The following RPH3A variants were observed in gnomAD, a reference collection of about 807,000 sequenced individuals.
RPH3A encodes the protein rabphilin 3A.
RPH3A carries 48 observed loss-of-function variants against 102.2 expected under a neutral mutation model. That is an observed-to-expected ratio of 0.47 (90% CI 0.37 to 0.60). The LOEUF (loss-of-function observed/expected upper bound fraction) is 0.60, where lower values mean the gene tolerates loss of function less well. Among genes scored for constraint, RPH3A ranks in the 20% least tolerant of loss-of-function variants. The probability of loss-of-function intolerance (pLI) is 0.00; values close to 1 mark genes in which losing one functional copy is unlikely to be tolerated. For synonymous variants in RPH3A, 310 were observed against 324.3 expected (o/e 0.96, Z 0.47); for missense variants, 781 against 910.1 (o/e 0.86, Z 1.83).
intron 1 of RPH3A, among the ~76,000 whole-genome samples, chr12:112,670,591 C>G (rs575120886): frequency 3.9e-5 from 6 of 152,112 alleles, no homozygotes; most frequent in Admixed American, 2.0e-4. Context: ...CAGATTTAAG[C>G]TGGATTGAAC....
At position 112,713,064 on chromosome 12, in the gene RPH3A, CTT is replaced by C. The variant is rs1565857551; in HGVS notation, c.-139-79078_-139-79077del. ...TCTTCTTCTTCTCCTTCTTCTTCTT[CTT>C]CTTCTTCTTCTTCTTCTTCTTCTTC... is the stretch of plus-strand genomic sequence containing the variant. On this transcript the variant is annotated intron_variant, in intron 1 of 21. Transcript: ENST00000543106. Among the ~76,000 whole-genome samples the C allele has an allele frequency of 4.0e-4, 45 of 111,952 alleles. 1 individual carries two copies. Among genetic ancestry groups the C allele is most frequent in the Non-Finnish European group, 8.3e-4 (43 of 51,680 alleles). 73.4% of individuals were successfully genotyped at this position (111,952 alleles called of 152,430 possible).
At chr12:112,665,438 G>C (rs549021002) in intron 1 of RPH3A, among the ~76,000 whole-genome samples, 2 of 152,248 alleles carry the variant, frequency 1.3e-5, no homozygotes, top group South Asian at 4.2e-4. Context: ...TTGAATCCTG[G>C]CTGTTCTATT....
intron 1 of RPH3A, among the ~76,000 whole-genome samples, chr12:112,631,544 T>C (rs1290516450): frequency 1.3e-5 from 2 of 152,152 alleles, no homozygotes; most frequent in Non-Finnish European, 2.9e-5. Context: ...AGACAGGGTC[T>C]CTGTCTGTCA....
chr12:112,771,530 A>G lies in RPH3A; in HGVS notation c.-139-20613A>G, dbSNP rs140530914. ...ACAATGCTGCAATAAATATACTTTT[A>G]TATCCATCTTTGGGCATATGTTTGA... On this transcript the variant is annotated intron_variant, in intron 1 of 21. Transcript: ENST00000543106. Among the ~76,000 whole-genome samples the G allele has an allele frequency of 8.9e-4, 135 of 152,290 alleles. 1 individual carries two copies. In the East Asian group the frequency reaches 0.021, roughly 24 times the overall value.
intron 1 of RPH3A, among the ~76,000 whole-genome samples, chr12:112,760,709 G>T (rs2040849325): frequency 6.6e-6 from 1 of 152,190 alleles, no homozygotes; most frequent in African/African-American, 2.4e-5. Context: ...AGCTAATTCT[G>T]CCAGGGACAT....
chr12:112,725,766 T>TTTGTTGTTGTTGTTG (rs374402903), intron 1 of RPH3A, among the ~76,000 whole-genome samples: 2 of 148,488 alleles, frequency 1.3e-5, no homozygotes, highest in Non-Finnish European at 1.5e-5. Context: ...GAGTGTAGTT[T>TTTGTTGTTGTTGTTG]TTGTTGTTGT....
At chr12:112,828,210 C>A in intron 2 of RPH3A, 91 bp from the exon 3 acceptor site, 1 of 842,648 alleles carries the variant, frequency 1.2e-6, no homozygotes, top group Non-Finnish European at 2.0e-6. Flanking sequence ...TCTTCTCTAT[C>A]CCACTGGGTG....
intron 2 of RPH3A, among the ~76,000 whole-genome samples, chr12:112,821,834 C>T (rs568138057): frequency 3.3e-5 from 5 of 152,122 alleles, no homozygotes; most frequent in African/African-American, 4.8e-5. Context: ...ATCCCCTGTG[C>T]CTAGAACAGT....
At position 112,826,985 on chromosome 12, in the gene RPH3A, G is replaced by A. The variant is rs184751210; in HGVS notation, c.-18-1316G>A. On this transcript the variant is annotated intron_variant, in intron 2 of 21. Transcript: ENST00000389385. ...AGGTATATACCTGAGTAGAATTCCTGAGCCACAGAGTAGATGGACTTTTAG... is the reference window on the plus strand; with the variant it reads ...AGGTATATACCTGAGTAGAATTCCTAAGCCACAGAGTAGATGGACTTTTAG... Among the ~76,000 whole-genome samples, 834 of 152,198 alleles carry A rather than the reference G, an allele frequency of 5.5e-3. 4 individuals carry two copies. The highest frequency in any genetic ancestry group is 0.019 in the African/African-American group (791 of 41,532).
At chr12:112,803,412 C>A (rs760958723) in intron 2 of RPH3A, among the ~76,000 whole-genome samples, 1 of 151,934 alleles carries the variant, frequency 6.6e-6, no homozygotes, top group Non-Finnish European at 1.5e-5. Flanking sequence ...TCACAGAGCA[C>A]GCTGTGTAGG....
At chr12:112,851,155 G>C (rs1351544702) in intron 5 of RPH3A, among the ~76,000 whole-genome samples, 4 of 152,108 alleles carry the variant, frequency 2.6e-5, no homozygotes, top group Non-Finnish European at 5.9e-5. Flanking sequence ...CTAGGTATGT[G>C]CTTAACTCAT....
intron 1 of RPH3A, among the ~76,000 whole-genome samples, chr12:112,647,274 C>T (rs569983001): frequency 5.3e-5 from 8 of 152,236 alleles, no homozygotes; most frequent in Admixed American, 5.2e-4. Context: ...GTTCTGGAGC[C>T]AGACTGTATA....
intron 1 of RPH3A, among the ~76,000 whole-genome samples, chr12:112,579,331 A>G (rs2039380517): frequency 6.6e-6 from 1 of 152,160 alleles, no homozygotes; most frequent in African/African-American, 2.4e-5. Context: ...GCTTCACCCA[A>G]AGCACGGCTC....
At chr12:112,658,788 C>A (rs763791654) in intron 1 of RPH3A, among the ~76,000 whole-genome samples, 4 of 152,160 alleles carry the variant, frequency 2.6e-5, no homozygotes, top group Non-Finnish European at 5.9e-5. Context: ...TCTATTGGGG[C>A]AAGATCAATT....
chr12:112,805,887 A>G (rs112627306), intron 2 of RPH3A, among the ~76,000 whole-genome samples: 6,650 of 152,234 alleles, frequency 0.044, 468 homozygotes, highest in African/African-American at 0.15. Flanking sequence ...ATAACCTACA[A>G]TGTTCATATT....
chr12:112,789,004 C>T (rs2041069434), upstream of RPH3A, among the ~76,000 whole-genome samples: 1 of 152,078 alleles, frequency 6.6e-6, no homozygotes, highest in Non-Finnish European at 1.5e-5. Flanking sequence ...ACTAAAAATA[C>T]AAAAATTAGC....
intron 1 of RPH3A, among the ~76,000 whole-genome samples, chr12:112,775,042 C>T (rs1298552436): frequency 6.6e-6 from 1 of 151,404 alleles, no homozygotes; most frequent in Non-Finnish European, 1.5e-5. Flanking sequence ...ACAACACACA[C>T]TGGGGCCTGT....
intron 5 of RPH3A, among the ~76,000 whole-genome samples, chr12:112,856,419 C>A (rs748230924): frequency 3.9e-5 from 6 of 152,096 alleles, no homozygotes; most frequent in Non-Finnish European, 7.4e-5. Flanking sequence ...TCTGTAAGAG[C>A]CCAGTGTGTA....
chr12:112,656,062 C>T (rs1703738428), intron 1 of RPH3A, among the ~76,000 whole-genome samples: 1 of 152,064 alleles, frequency 6.6e-6, no homozygotes, highest in Non-Finnish European at 1.5e-5. Context: ...GTAACATTAG[C>T]TGTCGATTTT....
Sources: gnomAD v4.1 joint callset for allele counts (sites outside exome capture counted in the v4.1 genomes callset) on GRCh38, gnomAD v4.1.1 for gene constraint, MANE v1.5 for transcripts, NCBI Gene and HGNC (gene_info 2026-07-23, HGNC 2026-07-21) for gene names.